RBFOX1: variants seen among roughly 807,000 people sequenced by gnomAD.
The protein encoded by RBFOX1 is RNA binding protein fox-1 homolog 1.
A neutral mutation model predicts 57.7 loss-of-function variants in RBFOX1; 8 were observed. The observed-to-expected ratio is 0.14, with a 90% CI of 0.08 to 0.25. The LOEUF (loss-of-function observed/expected upper bound fraction) is 0.25, where lower values mean the gene tolerates loss of function less well. Ranked by LOEUF, RBFOX1 falls within the 10% of genes least tolerant of loss-of-function variation. The probability of loss-of-function intolerance (pLI) is 1.00; values close to 1 mark genes in which losing one functional copy is unlikely to be tolerated. For synonymous variants in RBFOX1, 326 were observed against 222.4 expected (o/e 1.47, Z -4.15); for missense variants, 611 against 548.5 (o/e 1.11, Z -1.14).
In RBFOX1 at chr16:7,308,297, G is replaced by GTTTTTTT. The variant is rs34533950; in HGVS notation, c.28-209843_28-209837dup. On this transcript the variant is annotated intron_variant, in intron 4 of 15. Coordinates refer to ENST00000550418, the MANE Select transcript of RBFOX1 (RefSeq NM_018723.4). ...TGCGTGTCAGATTCCACCCAGAGCT[G>GTTTTTTT]TTTTTTTTTTTTTCCACTGAGTTTA... 4.1e-5 allele frequency among the ~76,000 whole-genome samples: 6 copies of GTTTTTTT among 144,610 alleles called. 1 individual carries two copies. Among genetic ancestry groups the GTTTTTTT allele is most frequent in the African/African-American group, 1.3e-4 (5 of 39,366 alleles). 94.9% of individuals were successfully genotyped at this position (144,610 alleles called of 152,430 possible).
At chr16:5,404,126 T>C (rs941509255) in intron 1 of RBFOX1, among the ~76,000 whole-genome samples, 14 of 151,092 alleles carry the variant, frequency 9.3e-5, no homozygotes, top group African/African-American at 3.4e-4. Flanking sequence ...ATGGGGATGA[T>C]TAACACTGGA....
At chr16:6,783,807 A>G (rs1274214950) in intron 3 of RBFOX1, among the ~76,000 whole-genome samples, 1 of 152,158 alleles carries the variant, frequency 6.6e-6, no homozygotes, top group Non-Finnish European at 1.5e-5. Flanking sequence ...AACTCCCTTC[A>G]GCATTCCTTA....
intron 3 of RBFOX1, among the ~76,000 whole-genome samples, chr16:6,862,207 T>C (rs2059144124): frequency 6.6e-6 from 1 of 152,174 alleles, no homozygotes; most frequent in South Asian, 2.1e-4. Flanking sequence ...AAATAAGTAC[T>C]GACCCTTACT....
intron 3 of RBFOX1, among the ~76,000 whole-genome samples, chr16:6,774,925 T>C (rs1026889038): frequency 2.6e-5 from 4 of 152,048 alleles, no homozygotes; most frequent in African/African-American, 9.7e-5. Flanking sequence ...GTGGCTACCA[T>C]ATTGGACAGT....
intron 4 of RBFOX1, among the ~76,000 whole-genome samples, chr16:7,226,736 T>G (rs2093148169): frequency 6.6e-6 from 1 of 152,210 alleles, no homozygotes; most frequent in Non-Finnish European, 1.5e-5. Flanking sequence ...TCACAGTTAA[T>G]CAAGAGGACT....
intron 1 of RBFOX1, among the ~76,000 whole-genome samples, chr16:5,326,275 C>G (rs931602768): frequency 6.6e-6 from 1 of 152,180 alleles, no homozygotes; most frequent in African/African-American, 2.4e-5. Context: ...GAGCCTCAAA[C>G]TAACAGCTTT....
intron 2 of RBFOX1, among the ~76,000 whole-genome samples, chr16:6,614,341 C>A (rs968082521): frequency 2.0e-5 from 3 of 152,118 alleles, no homozygotes; most frequent in African/African-American, 7.2e-5. Context: ...AAATATCATG[C>A]CAGGTATGAA....
intron 4 of RBFOX1, among the ~76,000 whole-genome samples, chr16:7,278,736 C>T (rs1312692895): frequency 6.6e-6 from 1 of 152,160 alleles, no homozygotes; most frequent in Non-Finnish European, 1.5e-5. Flanking sequence ...ATGATGTATT[C>T]AGTTTGAACT....
At chr16:6,169,558 C>T (rs1232893996) in intron 1 of RBFOX1, among the ~76,000 whole-genome samples, 2 of 152,044 alleles carry the variant, frequency 1.3e-5, no homozygotes, top group South Asian at 2.1e-4. Context: ...AGCACAGCCA[C>T]GTGGTGGAAG....
chr16:7,205,219 GA>G (rs1163391228), intron 4 of RBFOX1, among the ~76,000 whole-genome samples: 3 of 152,042 alleles, frequency 2.0e-5, no homozygotes, highest in Non-Finnish European at 4.4e-5. Context: ...CCAGTTGAGT[GA>G]AAATGTATGG....
intron 3 of RBFOX1, among the ~76,000 whole-genome samples, chr16:5,845,859 AG>A (rs2056743396): frequency 6.6e-6 from 1 of 152,102 alleles, no homozygotes; most frequent in Non-Finnish European, 1.5e-5. Flanking sequence ...CTATCTTTTG[AG>A]GGTAATGAGT....
intron 10 of RBFOX1, among the ~76,000 whole-genome samples, chr16:7,617,961 C>T (rs541650717): frequency 6.6e-6 from 1 of 151,292 alleles, no homozygotes; most frequent in Admixed American, 6.6e-5. Flanking sequence ...TGGTAGGGTC[C>T]CAAGCTGTTT....
intron 3 of RBFOX1, among the ~76,000 whole-genome samples, chr16:5,853,453 C>T (rs1163958745): frequency 6.6e-6 from 1 of 152,216 alleles, no homozygotes; most frequent in Non-Finnish European, 1.5e-5. Flanking sequence ...GGTCTGGTCT[C>T]AGCCTGAGTC....
intron 7 of RBFOX1, among the ~76,000 whole-genome samples, chr16:7,591,166 A>T (rs897783136): frequency 6.6e-6 from 1 of 152,102 alleles, no homozygotes; most frequent in South Asian, 2.1e-4. Flanking sequence ...TTTCCCAGGG[A>T]GGGGAAAGAG....
chr16:6,265,235 T>A (rs761788196), intron 1 of RBFOX1, among the ~76,000 whole-genome samples: 1 of 152,114 alleles, frequency 6.6e-6, no homozygotes, highest in Non-Finnish European at 1.5e-5. Context: ...GCCCTATTTT[T>A]TTTTTGACAT....
intron 4 of RBFOX1, among the ~76,000 whole-genome samples, chr16:7,329,538 A>G (rs991566208): frequency 6.6e-6 from 1 of 152,194 alleles, no homozygotes; most frequent in Non-Finnish European, 1.5e-5. Context: ...GTTAAGAAAA[A>G]GAGGTTTTGT....
At chr16:5,403,526 C>G (rs9929862) in intron 1 of RBFOX1, among the ~76,000 whole-genome samples, 1 of 152,006 alleles carries the variant, frequency 6.6e-6, no homozygotes, top group Non-Finnish European at 1.5e-5. Context: ...TCACCGCAAC[C>G]TCCTCTTTCT....
intron 3 of RBFOX1, among the ~76,000 whole-genome samples, chr16:6,797,434 C>T (rs151201775): frequency 4.3e-4 from 66 of 152,048 alleles, no homozygotes; most frequent in South Asian, 2.1e-4. Context: ...TGCTTTGTTG[C>T]GCAATAACAT....
At chr16:5,661,703 T>G (rs531583138) in intron 3 of RBFOX1, among the ~76,000 whole-genome samples, 1 of 152,378 alleles carries the variant, frequency 6.6e-6, no homozygotes, top group South Asian at 2.1e-4. Flanking sequence ...ACTTAAAGTC[T>G]GCTGTCTTAT....
Sources: gnomAD v4.1 joint callset for allele counts (sites outside exome capture counted in the v4.1 genomes callset) on GRCh38, gnomAD v4.1.1 for gene constraint, MANE v1.5 for transcripts, NCBI Gene and HGNC (gene_info 2026-07-23, HGNC 2026-07-21) for gene names.